PTPRS: variants seen among roughly 807,000 people sequenced by gnomAD.
PTPRS encodes the protein receptor-type tyrosine-protein phosphatase S.
A neutral mutation model predicts 215.3 loss-of-function variants in PTPRS; 63 were observed. That is an observed-to-expected ratio of 0.29 (90% confidence interval 0.24 to 0.36). PTPRS has a LOEUF of 0.36. Among genes scored for constraint, PTPRS ranks in the 10% least tolerant of loss-of-function variants. The pLI, the probability that PTPRS is intolerant of heterozygous loss-of-function variation, is 1.00. For synonymous variants in PTPRS, 1,404 were observed against 1,191.4 expected, an observed-to-expected ratio of 1.18 and a Z score of -3.68; for missense variants, 2,258 against 2,825.8, an observed-to-expected ratio of 0.80 and a Z score of 4.56.
At chr19:5,250,875 G>A (rs1041877862) in intron 9 of PTPRS, 1 of 143,850 alleles carries the variant, frequency 7.0e-6, no homozygotes, top group African/African-American at 2.6e-5. Context: ...TGAAGCACTA[G>A]GTAGGGAACC....
At chr19:5,307,814 C>T (rs1019908724) in intron 1 of PTPRS, among the ~76,000 whole-genome samples, 1 of 152,222 alleles carries the variant, frequency 6.6e-6, no homozygotes, top group African/African-American at 2.4e-5. Flanking sequence ...TTTATCATCG[C>T]CATATCGGGG....
At chr19:5,268,381 GT>G (rs1281143652) in intron 4 of PTPRS, among the ~76,000 whole-genome samples, 2 of 151,720 alleles carry the variant, frequency 1.3e-5, no homozygotes, top group African/African-American at 4.8e-5. Flanking sequence ...CAATGTTTCT[GT>G]TTGTTTAAAG....
rs369858494 is a variant in PTPRS at position 5,251,069 on chromosome 19, C to T, written c.719-5024G>A. The T allele has an allele frequency of 1.3e-4, 21 of 157,644 alleles. 1 individual carries two copies. The East Asian group carries it at 2.3e-3, about 17-fold the overall frequency. The allele number at this position is 157,644 out of a possible 1,614,324, so 9.8% of individuals were successfully genotyped here. On this transcript the variant is annotated intron_variant, in intron 9 of 37. Transcript: ENST00000262963. The stretch of plus-strand genomic sequence containing the variant: ...AGGGGAGAGATGCCAAGAAATTGTG[C>T]AGCCTCCGGGGGGTTTATTTAAGCT...
intron 1 of PTPRS, chr19:5,286,441 A>C (rs895375924): frequency 2.4e-6 from 1 of 415,124 alleles, no homozygotes. Context: ...ACAAAAAATC[A>C]TATGTTGAAA....
chr19:5,308,437 T>C (rs748379904), intron 1 of PTPRS, among the ~76,000 whole-genome samples: 1 of 152,158 alleles, frequency 6.6e-6, no homozygotes, highest in Admixed American at 6.6e-5. Context: ...AGTCCCAGCA[T>C]GGGGCCAAGC....
intron 2 of PTPRS, among the ~76,000 whole-genome samples, chr19:5,279,297 C>A (rs943081217): frequency 6.6e-6 from 1 of 152,042 alleles, no homozygotes; most frequent in Non-Finnish European, 1.5e-5. Flanking sequence ...CACTTTGGTA[C>A]CTTTTTACAT....
rs2049835558 is a variant in PTPRS, at chr19:5,315,350, G to GCTTTTTTTTTTTTTTTTT, written c.-95+25313_-95+25314insAAAAAAAAAAAAAAAAAG. Among the ~76,000 whole-genome samples the GCTTTTTTTTTTTTTTTTT allele has an allele frequency of 2.4e-4, 24 of 101,312 alleles. 10 individuals carry two copies. The highest frequency in any genetic ancestry group is 3.1e-4 in the South Asian group (1 of 3,212). The allele number at this position is 101,312 out of a possible 152,430, so 66.5% of individuals were successfully genotyped here. A position where few individuals can be genotyped will look rare whatever the true frequency, so the allele number is the denominator to read the frequency against. ...TCATGGAGAATTTTTATTTGAAAAG[G>GCTTTTTTTTTTTTTTTTT]GTTTTTTTTTTTTTTTTTTTTTTTT... On this transcript the variant is annotated intron_variant, in intron 1 of 37. Coordinates refer to ENST00000262963, the MANE Select transcript of PTPRS (RefSeq NM_002850.4).
Position 5,283,551 on chromosome 19 carries a change from C to T in PTPRS, c.91+2499G>A, listed in dbSNP as rs188372329. Among the ~76,000 whole-genome samples the T allele has an allele frequency of 3.3e-3, 499 of 151,368 alleles. 3 individuals are homozygous for T. Among genetic ancestry groups the T allele is most frequent in the Non-Finnish European group, 5.4e-3 (366 of 67,856 alleles). On this transcript the variant is annotated intron_variant, in intron 2 of 37. Transcript: ENST00000262963. ...GAGATCGCACCACTGTACTCCAGCC[C>T]AGGAGACAGAAGGAGACTCCGTCTC...
chr19:5,211,289 C>T (rs981056791), intron 33 of PTPRS, among the ~76,000 whole-genome samples: 3 of 152,178 alleles, frequency 2.0e-5, no homozygotes, highest in Non-Finnish European at 2.9e-5. Context: ...GGTCCCCACC[C>T]AGGCAGTACC....
At chr19:5,326,968 TAG>T (rs1449832867) in intron 1 of PTPRS, among the ~76,000 whole-genome samples, 2 of 152,106 alleles carry the variant, frequency 1.3e-5, no homozygotes, top group Admixed American at 6.5e-5. Context: ...GGCACAGACC[TAG>T]AGAGTCACAA....
rs907494292 is a variant in PTPRS, at chr19:5,208,335, A to G, written c.5544T>C (p.Gly1848=). The G allele has an allele frequency of 9.3e-6, 15 of 1,613,686 alleles. No homozygotes were observed. In the African/African-American group the frequency reaches 1.5e-4, roughly 16 times the overall value. Residue 1848 remains glycine (G), a synonymous_variant, in exon 36 of 38, where the codon GGT becomes GGC. Transcript: ENST00000262963. The part of the protein sequence containing the change: ...QFQFTDWPEQ[G]VPKSGEGFID... Reference sequence around the variant, plus strand: ...TGAAGCCCTCCCCCGACTTTGGCACACCCTGTTCCGGCCAGTCTGTGAACT... The same window carrying G: ...TGAAGCCCTCCCCCGACTTTGGCACGCCCTGTTCCGGCCAGTCTGTGAACT...
chr19:5,208,885 CCT>C (rs1173395108), intron 35 of PTPRS, among the ~76,000 whole-genome samples: 1 of 152,292 alleles, frequency 6.6e-6, no homozygotes, highest in South Asian at 2.1e-4. Context: ...TCACCATGAT[CCT>C]CTGTCATCTT....
In PTPRS at chr19:5,231,491, G is replaced by A. The variant is rs773522213; in HGVS notation, c.1974C>T (p.Tyr658=). Residue 658 remains tyrosine, a synonymous_variant, in exon 14 of 38, where the codon TAC becomes TAT. Transcript: ENST00000262963. The stretch of plus-strand genomic sequence containing the variant: ...CCGGGTCCTCTGAGCCCAGCGGTCG[G>A]TAGCGGACGCTGTAGCCCACCAGGG... ...NGALVGYSVR[Y]RPLGSEDPEP... is the part of the protein sequence containing the mutation. 4.3e-6 allele frequency: 7 copies of A among 1,612,760 alleles called. No individual in the cohort carries two copies. In the Admixed American group the frequency reaches 5.0e-5, roughly 12 times the overall value.
At position 5,240,284 on chromosome 19, in the gene PTPRS, C is replaced by A; in HGVS notation, c.1619G>T (p.Ser540Ile). The change falls in exon 12 of 38, where the codon AGC becomes ATC. Residue 540 changes from serine (S) to isoleucine (I), a missense_variant. Coordinates refer to ENST00000262963, the MANE Select transcript of PTPRS (RefSeq NM_002850.4). Reference sequence around the variant, plus strand: ...CGGGGGGCTCCAGGACAGCGTGATGCTGGTCTCCGACCTGGCCTCGGCCCG... The same window carrying A: ...CGGGGGGCTCCAGGACAGCGTGATGATGGTCTCCGACCTGGCCTCGGCCCG... ...NLRAEARSET[S>I]ITLSWSPPRQ... 6.2e-7 allele frequency: 1 copy of A among 1,601,012 alleles called. No individual in the cohort carries two copies. Among genetic ancestry groups the A allele is most frequent in the South Asian group, 1.1e-5 (1 of 88,044 alleles).
rs1208982300 is a variant in PTPRS at position 5,273,621 on chromosome 19, G to C, written c.238-38C>G. The C allele has an allele frequency of 2.5e-6, 4 of 1,612,302 alleles. No homozygotes were observed. In the East Asian group the frequency reaches 8.9e-5, roughly 36 times the overall value. On this transcript the variant is annotated intron_variant, in intron 3 of 37. Transcript: ENST00000262963. ...GGGGAAAAAAGAACAGAGTGAGGCT[G>C]GGGTCCCAGGAAGGTTCCTGTCTAG... is the stretch of plus-strand genomic sequence containing the variant.
chr19:5,322,044 CAG>C (rs1200605460), intron 1 of PTPRS, among the ~76,000 whole-genome samples: 1 of 152,204 alleles, frequency 6.6e-6, no homozygotes, highest in Non-Finnish European at 1.5e-5. Context: ...AACTGAGGCT[CAG>C]AGAGGTTTCA....
At chr19:5,268,314 CAAA>C (rs764011181) in intron 4 of PTPRS, among the ~76,000 whole-genome samples, 2 of 152,008 alleles carry the variant, frequency 1.3e-5, no homozygotes, top group Non-Finnish European at 2.9e-5. Context: ...CCTGTAGAGC[CAAA>C]AATATTTACT....
intron 1 of PTPRS, among the ~76,000 whole-genome samples, chr19:5,300,534 G>A (rs2049269288): frequency 6.6e-6 from 1 of 152,064 alleles, no homozygotes; most frequent in Admixed American, 6.5e-5. Context: ...ACTTTGGGAG[G>A]CCGAGGTGGA....
intron 9 of PTPRS, 114 bp downstream of exon 9, chr19:5,255,994 G>C (rs575148200): frequency 4.2e-6 from 3 of 711,558 alleles, no homozygotes; most frequent in Admixed American, 3.6e-5. Flanking sequence ...TTTTTTCCGT[G>C]TGTGTGTCAG....
Sources: allele counts gnomAD v4.1 joint callset (sites outside exome capture counted in the v4.1 genomes callset), GRCh38; gene constraint gnomAD v4.1.1; transcripts MANE v1.5; gene names NCBI Gene and HGNC (gene_info 2026-07-23, HGNC 2026-07-21).